RIMS2: variants seen among roughly 807,000 people sequenced by gnomAD.
The protein encoded by RIMS2 is regulating synaptic membrane exocytosis protein 2.
RIMS2 carries 59 observed loss-of-function variants against 174.4 expected under a neutral mutation model. The observed-to-expected ratio is 0.34, with a 90% confidence interval of 0.27 to 0.42. The LOEUF (loss-of-function observed/expected upper bound fraction) is 0.42. RIMS2 is among the 10% of genes least tolerant of loss of function. RIMS2 has a pLI of 1.00. For synonymous variants in RIMS2, 606 were observed against 572.5 expected, an observed-to-expected ratio of 1.06 and a Z score of -0.84; for missense variants, 1,620 against 1,666.3, an observed-to-expected ratio of 0.97 and a Z score of 0.48.
At chr8:104,077,427 A>C (rs1396717761) in intron 19 of RIMS2, among the ~76,000 whole-genome samples, 1 of 151,850 alleles carries the variant, frequency 6.6e-6, no homozygotes, top group African/African-American at 2.4e-5. Context: ...AGGATGAAAA[A>C]TTTAAAAAAA....
At chr8:104,053,877 C>T (rs1022865415) in intron 19 of RIMS2, among the ~76,000 whole-genome samples, 2 of 151,998 alleles carry the variant, frequency 1.3e-5, no homozygotes, top group Non-Finnish European at 2.9e-5. Context: ...AATGGGGACA[C>T]TGTGCAGAGA....
Position 104,169,315 on chromosome 8 carries a change from TATATATATATATATATATATATATAA to T in RIMS2, c.3335-75599_3335-75574del, listed in dbSNP as rs796824492. Among the ~76,000 whole-genome samples the T allele has an allele frequency of 6.0e-3, 397 of 66,438 alleles. 9 individuals are homozygous for T. The highest frequency in any genetic ancestry group is 0.023 in the African/African-American group (385 of 16,764). 43.6% of individuals were successfully genotyped at this position (66,438 alleles called of 152,430 possible). On this transcript the variant is annotated intron_variant, in intron 19 of 23. Coordinates refer to ENST00000504942, the Ensembl canonical transcript of RIMS2. ...TTTTTTGTTGTTGGCTATATATATA[TATATATATATATATATATATATATAA>T]AACAGATTCAATCTCATTACTTGTT...
In RIMS2 at chr8:104,188,383, T is replaced by C. The variant is rs191309317; in HGVS notation, c.3335-56533T>C. On this transcript the variant is annotated intron_variant, in intron 19 of 23. Coordinates refer to ENST00000504942, the Ensembl canonical transcript of RIMS2. ...ATTCCCAGTATCCATTTCAATATTGTTTTTCTTTGAATCAGTAGTTTTTAA... is the reference window on the plus strand; with the variant it reads ...ATTCCCAGTATCCATTTCAATATTGCTTTTCTTTGAATCAGTAGTTTTTAA... Among the ~76,000 whole-genome samples the C allele has an allele frequency of 2.6e-3, 399 of 151,822 alleles. 2 individuals carry two copies. The highest frequency in any genetic ancestry group is 3.9e-3 in the Non-Finnish European group (267 of 67,788).
At chr8:103,770,223 G>A (rs2098235226) in intron 3 of RIMS2, among the ~76,000 whole-genome samples, 1 of 152,110 alleles carries the variant, frequency 6.6e-6, no homozygotes, top group Non-Finnish European at 1.5e-5. Context: ...ATTGTCTATG[G>A]CTGCTGTCAG....
intron 1 of RIMS2, among the ~76,000 whole-genome samples, chr8:103,577,588 T>C (rs1177664246): frequency 6.6e-6 from 1 of 152,230 alleles, no homozygotes; most frequent in African/African-American, 2.4e-5. Flanking sequence ...TCTGTACATG[T>C]ATCCCAGAAC....
intron 17 of RIMS2, among the ~76,000 whole-genome samples, chr8:104,007,496 T>C (rs1013503262): frequency 6.6e-6 from 1 of 152,224 alleles, no homozygotes; most frequent in African/African-American, 2.4e-5. Flanking sequence ...CTGTTATTCC[T>C]AGCATTTCCA....
intron 19 of RIMS2, among the ~76,000 whole-genome samples, chr8:104,060,019 G>C (rs1195802653): frequency 1.3e-5 from 2 of 151,946 alleles, no homozygotes; most frequent in South Asian, 4.2e-4. Context: ...AAGGATATTG[G>C]TCTAAAATTC....
chr8:104,152,335 C>T (rs2098694918), intron 19 of RIMS2, among the ~76,000 whole-genome samples: 2 of 152,088 alleles, frequency 1.3e-5, no homozygotes, highest in Admixed American at 1.3e-4. Flanking sequence ...GTTATTCATA[C>T]CTACTCCCCT....
intron 6 of RIMS2, among the ~76,000 whole-genome samples, 183 bp downstream of exon 9, chr8:103,912,355 A>G (rs1041931106): frequency 1.3e-5 from 2 of 152,218 alleles, no homozygotes; most frequent in Admixed American, 6.5e-5. Context: ...AGAAGTTGCC[A>G]TAATTCCACA....
chr8:104,112,849 GT>G (rs1180106612), intron 19 of RIMS2, among the ~76,000 whole-genome samples: 1 of 152,052 alleles, frequency 6.6e-6, no homozygotes, highest in African/African-American at 2.4e-5. Flanking sequence ...TATTTCAGTC[GT>G]TTTTAAAACT....
intron 2 of RIMS2, among the ~76,000 whole-genome samples, chr8:103,728,972 T>G (rs2138796803): frequency 6.6e-6 from 1 of 152,156 alleles, no homozygotes; most frequent in Non-Finnish European, 1.5e-5. Context: ...TTGAATTTGG[T>G]TTGCTAGTAT....
chr8:104,036,070 T>C (rs1223345881), intron 19 of RIMS2, among the ~76,000 whole-genome samples: 1 of 152,094 alleles, frequency 6.6e-6, no homozygotes, highest in African/African-American at 2.4e-5. Flanking sequence ...CAAGCCTATT[T>C]TTCAGTAACC....
At chr8:103,839,507 A>T (rs2098927022) in intron 3 of RIMS2, among the ~76,000 whole-genome samples, 2 of 152,038 alleles carry the variant, frequency 1.3e-5, no homozygotes, top group Admixed American at 6.5e-5. Flanking sequence ...TCTTACTCTT[A>T]ATGCATGGCC....
intron 19 of RIMS2, among the ~76,000 whole-genome samples, chr8:104,016,720 T>C (rs2095918635): frequency 6.6e-6 from 1 of 152,110 alleles, no homozygotes. Flanking sequence ...AACTATAATT[T>C]ATGCACATTT....
chr8:104,049,128 A>T (rs1428661064), intron 19 of RIMS2, among the ~76,000 whole-genome samples: 1 of 56,232 alleles, frequency 1.8e-5, no homozygotes, highest in Non-Finnish European at 4.5e-5. Flanking sequence ...TTTTTCTTTA[A>T]AAAAAAAAAA....
chr8:103,671,848 C>T (rs538636077), intron 1 of RIMS2, among the ~76,000 whole-genome samples: 1 of 152,228 alleles, frequency 6.6e-6, no homozygotes, highest in Admixed American at 6.5e-5. Flanking sequence ...AAATATAACT[C>T]AAAGAGGGTA....
At chr8:104,087,336 C>T (rs911727811) in intron 19 of RIMS2, among the ~76,000 whole-genome samples, 8 of 151,938 alleles carry the variant, frequency 5.3e-5, no homozygotes, top group Non-Finnish European at 8.8e-5. Context: ...GGGGTGGGTA[C>T]ATTACAAATA....
intron 3 of RIMS2, among the ~76,000 whole-genome samples, chr8:103,776,204 C>T (rs1158099396): frequency 6.6e-6 from 1 of 152,084 alleles, no homozygotes; most frequent in Non-Finnish European, 1.5e-5. Flanking sequence ...TCAGCAATAA[C>T]CCATCTTTTC....
intron 3 of RIMS2, among the ~76,000 whole-genome samples, chr8:103,873,127 C>T (rs1288986939): frequency 6.6e-6 from 1 of 152,130 alleles, no homozygotes; most frequent in Admixed American, 6.6e-5. Context: ...CTCCTTTTTA[C>T]TCCTATGTTT....
Sources: allele counts gnomAD v4.1 joint callset (sites outside exome capture counted in the v4.1 genomes callset), GRCh38; gene constraint gnomAD v4.1.1; transcripts MANE v1.5; gene names NCBI Gene and HGNC (gene_info 2026-07-23, HGNC 2026-07-21).